Variants in DNAH7 observed in about 807,000 individuals in gnomAD.
The protein encoded by DNAH7 is dynein axonemal heavy chain 7.
In DNAH7, 397 loss-of-function variants were observed where a neutral mutation model predicts 444.6. The ratio of observed to expected loss-of-function variants is 0.89; its 90% CI spans 0.82 to 0.97. The LOEUF (loss-of-function observed/expected upper bound fraction) is 0.97, where lower values mean the gene tolerates loss of function less well. Among genes scored for constraint, DNAH7 ranks in the 50% least tolerant of loss-of-function variants. The pLI, the probability that DNAH7 is intolerant of heterozygous loss-of-function variation, is 0.00. For synonymous variants in DNAH7, 1,636 were observed against 1,624.4 expected (o/e 1.01, Z -0.17); for missense variants, 4,902 against 4,800.8 (o/e 1.02, Z -0.62).
intron 63 of DNAH7, among the ~76,000 whole-genome samples, chr2:195,742,713 T>A (rs546631666): frequency 6.6e-6 from 1 of 152,216 alleles, no homozygotes; most frequent in Non-Finnish European, 1.5e-5. Flanking sequence ...TCAGCTATGG[T>A]TTTTCTAGTT....
At chr2:195,970,202 G>T in intron 16 of DNAH7, 108 bp from the exon 17 acceptor site, 2 of 1,022,298 alleles carry the variant, frequency 2.0e-6, no homozygotes, top group East Asian at 2.8e-5. Flanking sequence ...TTTTGTCACT[G>T]GTAAAACATA....
At chr2:195,989,183 T>C (rs1436776599) in intron 12 of DNAH7, among the ~76,000 whole-genome samples, 3 of 152,228 alleles carry the variant, frequency 2.0e-5, no homozygotes, top group Non-Finnish European at 4.4e-5. Context: ...ACTGATTTCC[T>C]TTCCTTTAGC....
chr2:195,819,925 T>C (rs961970703), intron 49 of DNAH7, among the ~76,000 whole-genome samples: 7 of 152,142 alleles, frequency 4.6e-5, no homozygotes, highest in South Asian at 2.1e-4. Flanking sequence ...CCTGAGTATT[T>C]GGAGTTTTAA....
rs1244429821 is a variant in DNAH7 at position 195,960,456 on chromosome 2, ATT to A, written c.2693_2694del (p.Glu898ValfsTer4). ...TTCTCCATCGCCTTTTCAAGAGAAT[ATT>A]CTTTGCTAGCTGCTTCACTAATACC... Reference protein sequence around the residue: ...FEGISEAASKEYSLEKAMEKM... With the variant: ...FEGISEAASKXYSLEKAMEKM... On this transcript the variant is annotated frameshift_variant, in exon 18 of 65. Transcript: ENST00000312428. LOFTEE classifies it high-confidence loss of function. The A allele has an allele frequency of 6.2e-7, 1 of 1,614,200 alleles. No homozygotes were observed. The highest frequency in any genetic ancestry group is 1.3e-5 in the African/African-American group (1 of 75,066).
intron 42 of DNAH7, among the ~76,000 whole-genome samples, chr2:195,859,020 G>A (rs1373059927): frequency 1.3e-5 from 2 of 152,094 alleles, no homozygotes; most frequent in African/African-American, 4.8e-5. Context: ...ATTCATTTTT[G>A]TGTTTTCAGT....
intron 50 of DNAH7, 26 bp downstream of exon 50, chr2:195,817,670 A>G (rs1379547555): frequency 6.3e-7 from 1 of 1,577,688 alleles, no homozygotes; most frequent in Non-Finnish European, 8.6e-7. Flanking sequence ...ACAAATAAGA[A>G]TAGTTCTGTT....
At chr2:195,832,869 T>C (rs1698140568) in intron 48 of DNAH7, among the ~76,000 whole-genome samples, 1 of 152,210 alleles carries the variant, frequency 6.6e-6, no homozygotes, top group Admixed American at 6.5e-5. Flanking sequence ...AATCATACAG[T>C]AAATGTTCAA....
At chr2:195,937,769 C>T (rs926844271) in intron 19 of DNAH7, among the ~76,000 whole-genome samples, 34 of 151,996 alleles carry the variant, frequency 2.2e-4, no homozygotes, top group Admixed American at 2.2e-3. Context: ...GTGTTCACCA[C>T]TGACATCATT....
rs1288639235 is a variant in DNAH7 at position 195,888,320 on chromosome 2, T to C, written c.5344A>G (p.Ile1782Val). 1 of 1,611,478 alleles carries C rather than the reference T, an allele frequency of 6.2e-7. No individual in the cohort carries two copies. Among genetic ancestry groups the C allele is most frequent in the African/African-American group, 1.3e-5 (1 of 74,706 alleles). The change falls in exon 33 of 65, where the codon ATA (isoleucine) becomes GTA (valine). Residue 1782 changes from isoleucine to valine, a missense_variant. Physicochemically the swap from Ile to Val is conservative, Grantham distance 29. Coordinates refer to ENST00000312428, the MANE Select transcript of DNAH7 (RefSeq NM_018897.3). ...ASVSVIQKEF[I>V]MGLFDRMVPV... ...ACCATTCTGTCAAATAAGCCCATTA[T>C]GAATTCCTTTTGAATAACACTGACT... is the stretch of plus-strand genomic sequence containing the variant.
At chr2:195,982,768 T>G (rs1391407311) in intron 15 of DNAH7, among the ~76,000 whole-genome samples, 8 of 152,096 alleles carry the variant, frequency 5.3e-5, no homozygotes, top group African/African-American at 1.9e-4. Flanking sequence ...AGCTAAAAAT[T>G]AGAACAATTG....
chr2:195,766,998 G>C (rs989039519), intron 61 of DNAH7, among the ~76,000 whole-genome samples: 15 of 151,868 alleles, frequency 9.9e-5, no homozygotes, highest in African/African-American at 3.6e-4. Context: ...CTTAAAATAA[G>C]GACTATTTGG....
At chr2:195,984,797 T>C in intron 14 of DNAH7, 87 bp from the exon 15 acceptor site, 2 of 1,213,044 alleles carry the variant, frequency 1.6e-6, no homozygotes, top group Non-Finnish European at 2.4e-6. Flanking sequence ...AAATATTCCA[T>C]TGCATGAAAA....
intron 5 of DNAH7, among the ~76,000 whole-genome samples, chr2:196,043,840 G>A (rs968141755): frequency 6.6e-5 from 10 of 151,848 alleles, no homozygotes; most frequent in African/African-American, 4.8e-5. Context: ...AATGCAAATC[G>A]AAACCACAAT....
chr2:195,809,655 A>G (rs1696871251), intron 52 of DNAH7, 90 bp downstream of exon 52: 1 of 1,202,550 alleles, frequency 8.3e-7, no homozygotes, highest in African/African-American at 1.6e-5. Context: ...ACTATTTACA[A>G]TCTTTTTATA....
intron 19 of DNAH7, among the ~76,000 whole-genome samples, chr2:195,956,515 G>A (rs2125507414): frequency 6.6e-6 from 1 of 152,156 alleles, no homozygotes; most frequent in South Asian, 2.1e-4. Flanking sequence ...GCTGGGCATG[G>A]TGGCACACAC....
At chr2:195,923,465 T>C (rs944627364) in intron 23 of DNAH7, 130 bp downstream of exon 23, 2 of 768,204 alleles carry the variant, frequency 2.6e-6, no homozygotes, top group Non-Finnish European at 4.3e-6. Context: ...AAATGCTTAC[T>C]TGGGTATAGT....
rs552605722 is a variant in DNAH7 at position 195,853,355 on chromosome 2, G to T, written c.8769C>A (p.Ser2923=). Residue 2923 remains serine (S), a synonymous_variant, in exon 46 of 65, where the codon TCC becomes TCA. Coordinates refer to ENST00000312428, the MANE Select transcript of DNAH7 (RefSeq NM_018897.3). ...TAGTGTCCCTTACCTGTCTATAGGTGGATGTGAAGGCTCCGAGGTAAGCAA... is the reference window on the plus strand; with the variant it reads ...TAGTGTCCCTTACCTGTCTATAGGTTGATGTGAAGGCTCCGAGGTAAGCAA... ...GVVAYLGAFT[S]TYRQNQTKEW... The T allele has an allele frequency of 6.2e-7, 1 of 1,613,894 alleles. No individual in the cohort carries two copies. The highest frequency in any genetic ancestry group is 1.3e-5 in the African/African-American group (1 of 75,012).
At chr2:195,925,990 T>TCAA (rs1295380220) in intron 22 of DNAH7, among the ~76,000 whole-genome samples, 7 of 152,214 alleles carry the variant, frequency 4.6e-5, no homozygotes, top group African/African-American at 1.7e-4. Flanking sequence ...GTATTCACAA[T>TCAA]CAATACATTA....
intron 19 of DNAH7, among the ~76,000 whole-genome samples, chr2:195,952,368 T>C (rs1690320156): frequency 6.6e-6 from 1 of 152,180 alleles, no homozygotes; most frequent in Non-Finnish European, 1.5e-5. Context: ...CATTTTTTCC[T>C]TCATTTCAAC....
Sources: gnomAD v4.1 joint callset for allele counts (sites outside exome capture counted in the v4.1 genomes callset) on GRCh38, gnomAD v4.1.1 for gene constraint, MANE v1.5 for transcripts, NCBI Gene and HGNC (gene_info 2026-07-23, HGNC 2026-07-21) for gene names.